The following LPCAT3 variants were observed in gnomAD, a reference collection of about 807,000 sequenced individuals.
The protein encoded by LPCAT3 is lysophosphatidylcholine acyltransferase 3.
In LPCAT3, 21 loss-of-function variants were observed where a neutral mutation model predicts 63.4. The observed-to-expected ratio is 0.33, with a 90% CI of 0.23 to 0.48. LPCAT3 has a LOEUF of 0.48. Among genes scored for constraint, LPCAT3 ranks in the 20% least tolerant of loss-of-function variants. The probability of loss-of-function intolerance (pLI) is 0.99; values close to 1 mark genes in which losing one functional copy is unlikely to be tolerated. For synonymous variants in LPCAT3, 242 were observed against 227.5 expected (o/e 1.06, Z -0.58); for missense variants, 451 against 590.6 (o/e 0.76, Z 2.45).
At chr12:6,983,167 A>G in intron 2 of LPCAT3, 1 of 467,444 alleles carries the variant, frequency 2.1e-6, no homozygotes, top group South Asian at 2.0e-5. Flanking sequence ...ATTCAGTTAC[A>G]TCCACAGCAC....
intron 1 of LPCAT3, among the ~76,000 whole-genome samples, chr12:6,986,174 G>T (rs1946524130): frequency 6.6e-6 from 1 of 151,826 alleles, no homozygotes; most frequent in South Asian, 2.1e-4. Flanking sequence ...ACACAATTTT[G>T]AACAGCAAGG....
In LPCAT3 at chr12:6,998,411, C is replaced by T. The variant is rs117723399; in HGVS notation, c.152-14872G>A. ...TAAATGGCAAACCAATCAGCTGGAT[C>T]AGTCTTACTTACAACACACCTGGCC... is the stretch of plus-strand genomic sequence containing the variant. On this transcript the variant is annotated intron_variant, in intron 1 of 12. Transcript: ENST00000261407. 5.2e-4 allele frequency among the ~76,000 whole-genome samples: 79 copies of T among 152,324 alleles called. 1 individual carries two copies. The East Asian group carries it at 0.014, about 28-fold the overall frequency.
At chr12:7,011,315 C>T (rs1173429491) in intron 1 of LPCAT3, among the ~76,000 whole-genome samples, 3 of 152,132 alleles carry the variant, frequency 2.0e-5, no homozygotes, top group South Asian at 2.1e-4. Flanking sequence ...GGGTTACAGG[C>T]GTAAGCCACC....
At chr12:6,980,460 A>G (rs942121787) in intron 6 of LPCAT3, among the ~76,000 whole-genome samples, 3 of 152,010 alleles carry the variant, frequency 2.0e-5, no homozygotes, top group Admixed American at 6.6e-5. Context: ...GACTCAAGCA[A>G]TTCTCCCACT....
intron 1 of LPCAT3, among the ~76,000 whole-genome samples, chr12:6,985,413 CAA>C (rs1946513553): frequency 6.7e-6 from 1 of 149,534 alleles, no homozygotes; most frequent in Admixed American, 6.7e-5. Flanking sequence ...CAAAATAAAA[CAA>C]AACAAAAAAC....
chr12:6,983,331 A>C (rs1374204312), intron 2 of LPCAT3, 101 bp downstream of exon 2: 1 of 749,482 alleles, frequency 1.3e-6, no homozygotes, highest in East Asian at 2.5e-5. Context: ...GGAGCATTAT[A>C]ACTTCCCTAC....
At chr12:7,009,223 A>G (rs1946746313) in intron 1 of LPCAT3, among the ~76,000 whole-genome samples, 1 of 152,152 alleles carries the variant, frequency 6.6e-6, no homozygotes, top group Non-Finnish European at 1.5e-5. Context: ...CACCATGCCC[A>G]GCTAATTTTT....
intron 1 of LPCAT3, among the ~76,000 whole-genome samples, chr12:6,985,771 GTTT>G (rs1220627223): frequency 7.4e-6 from 1 of 135,680 alleles, no homozygotes; most frequent in Non-Finnish European, 1.6e-5. Flanking sequence ...ATCAACTGGT[GTTT>G]TTTTTTTTTT....
chr12:6,998,371 G>A (rs1946655634), intron 1 of LPCAT3, among the ~76,000 whole-genome samples: 1 of 152,202 alleles, frequency 6.6e-6, no homozygotes, highest in African/African-American at 2.4e-5. Context: ...TATGGCAGAT[G>A]TCTGCCATGC....
At chr12:6,985,062 C>T (rs1376209314) in intron 1 of LPCAT3, among the ~76,000 whole-genome samples, 1 of 145,046 alleles carries the variant, frequency 6.9e-6, no homozygotes, top group Non-Finnish European at 1.5e-5. Flanking sequence ...TGGTTTCTGT[C>T]CTTCTAGTCA....
At position 7,018,218 on chromosome 12, in the gene LPCAT3, C is replaced by G; in HGVS notation, c.151+56G>C. On this transcript the variant is annotated intron_variant, in intron 1 of 12. Coordinates refer to ENST00000261407, the MANE Select transcript of LPCAT3 (RefSeq NM_005768.6). The surrounding 1 kb of genome is among the most constrained non-coding windows in gnomAD (Gnocchi z 4.9). ...AGAGAGGGAGGTCCTGTCCCCATTC[C>G]TCCCCTACTCCCCGGGGACTCCGCG... 1 of 1,554,332 alleles carries G rather than the reference C, an allele frequency of 6.4e-7. No individual in the cohort carries two copies. The highest frequency in any genetic ancestry group is 1.2e-5 in the South Asian group (1 of 84,452).
intron 1 of LPCAT3, among the ~76,000 whole-genome samples, chr12:6,986,749 A>G (rs961080908): frequency 6.2e-5 from 9 of 145,822 alleles, no homozygotes; most frequent in East Asian, 2.1e-4. Flanking sequence ...CAGTGAGCAG[A>G]GAGAGCCACT....
chr12:7,013,668 TC>T (rs1325607398), intron 1 of LPCAT3, among the ~76,000 whole-genome samples: 5 of 152,166 alleles, frequency 3.3e-5, no homozygotes, highest in Middle Eastern at 3.2e-3. Context: ...TTCAAAAGGT[TC>T]CGGTATTCCT....
chr12:6,988,962 A>T (rs1555155117), intron 1 of LPCAT3, among the ~76,000 whole-genome samples: 2 of 151,438 alleles, frequency 1.3e-5, no homozygotes, highest in East Asian at 2.0e-4. Context: ...TGTCTCTACT[A>T]AAAAAAATAC....
chr12:7,008,757 A>G (rs1486976360), intron 1 of LPCAT3, among the ~76,000 whole-genome samples: 1 of 152,148 alleles, frequency 6.6e-6, no homozygotes, highest in Non-Finnish European at 1.5e-5. Context: ...ATCTCAAAAA[A>G]AAAACAAAAA....
chr12:7,014,383 G>A (rs1345647745), intron 1 of LPCAT3, among the ~76,000 whole-genome samples: 12 of 152,164 alleles, frequency 7.9e-5, no homozygotes, highest in African/African-American at 2.7e-4. Context: ...GATCCAAGCT[G>A]TTGAAGGGGA....
chr12:6,979,333 C>T, intron 7 of LPCAT3, 138 bp downstream of exon 7: 1 of 669,630 alleles, frequency 1.5e-6, no homozygotes, highest in Non-Finnish European at 2.6e-6. Flanking sequence ...CTGGCATTGA[C>T]AACTCACAGA....
At chr12:6,981,950 C>A (rs782327663) in intron 3 of LPCAT3, 46 bp from the exon 4 acceptor site, 11 of 961,836 alleles carry the variant, frequency 1.1e-5, no homozygotes, top group Non-Finnish European at 1.9e-5. Context: ...ACTATTTCTT[C>A]TCCTTGCTCT....
At chr12:7,001,749 G>GT (rs1946689044) in intron 1 of LPCAT3, among the ~76,000 whole-genome samples, 1 of 152,156 alleles carries the variant, frequency 6.6e-6, no homozygotes, top group African/African-American at 2.4e-5. Flanking sequence ...AGTGTGCCTG[G>GT]TTAGGGAGAA....
Sources: gnomAD v4.1 joint callset for allele counts (sites outside exome capture counted in the v4.1 genomes callset) on GRCh38, gnomAD v4.1.1 for gene constraint, Gnocchi (gnomAD v3.1) non-coding constraint, MANE v1.5 for transcripts, NCBI Gene and HGNC (gene_info 2026-07-23, HGNC 2026-07-21) for gene names.